Variants in PHACTR2 observed in about 807,000 individuals in gnomAD.
PHACTR2 encodes chromosome 6 open reading frame 56.
A neutral mutation model predicts 76.0 loss-of-function variants in PHACTR2; 30 were observed. That is an observed-to-expected ratio of 0.39 (90% CI 0.30 to 0.54). The LOEUF (loss-of-function observed/expected upper bound fraction) is 0.54. PHACTR2 is among the 20% of genes least tolerant of loss of function. PHACTR2 has a pLI of 0.61. For synonymous variants in PHACTR2, 292 were observed against 292.5 expected (o/e 1.00, Z 0.02); for missense variants, 696 against 781.1 (o/e 0.89, Z 1.30).
At chr6:143,817,652 A>C (rs1470010921) in intron 12 of PHACTR2, among the ~76,000 whole-genome samples, 2 of 152,260 alleles carry the variant, frequency 1.3e-5, no homozygotes, top group African/African-American at 4.8e-5. Context: ...ATACATACAC[A>C]ATGGAATACT....
At position 143,827,196 on chromosome 6, in the gene PHACTR2, A is replaced by ATG. The variant is rs1554232043; in HGVS notation, c.*3508_*3509insGT. The ATG allele has an allele frequency of 5.7e-4, 68 of 120,158 alleles. No individual in the cohort carries two copies. Among genetic ancestry groups the ATG allele is most frequent in the African/African-American group, 1.6e-3 (53 of 33,098 alleles). The allele number at this position is 120,158 out of a possible 1,614,324, so 7.4% of individuals were successfully genotyped here. Reference sequence around the variant, plus strand: ...TATATATATATATATATATATATATATATGTATATTATATATACAGTAGCT... The same window carrying ATG: ...TATATATATATATATATATATATATATGTATGTATATTATATATACAGTAGCT... On this transcript the variant is annotated 3_prime_UTR_variant, in exon 13 of 13. Transcript: ENST00000440869.
rs543445814 is a variant in PHACTR2, at chr6:143,827,212, T to C, written c.*3523T>C. 1 of 134,202 alleles carries C rather than the reference T, an allele frequency of 7.5e-6. No homozygotes were observed. Among genetic ancestry groups the C allele is most frequent in the South Asian group, 2.4e-4 (1 of 4,162 alleles). The allele number at this position is 134,202 out of a possible 1,614,324, so 8.3% of individuals were successfully genotyped here. A position where few individuals can be genotyped will look rare whatever the true frequency, so the allele number is the denominator to read the frequency against. ...TATATATATATATGTATATTATATA[T>C]ACAGTAGCTTACACTTAAAAGAGGA... On this transcript the variant is annotated 3_prime_UTR_variant, in exon 13 of 13. Coordinates refer to ENST00000440869, the MANE Select transcript of PHACTR2 (RefSeq NM_001100164.2).
intron 1 of PHACTR2, among the ~76,000 whole-genome samples, chr6:143,579,626 A>G (rs983868803): frequency 9.9e-5 from 15 of 152,246 alleles, no homozygotes; most frequent in African/African-American, 3.6e-4. Context: ...GGGGTCACTC[A>G]GTGAGACCTG....
In PHACTR2 at chr6:143,782,031, T is replaced by A. The variant is rs933824139; in HGVS notation, c.1646-1188T>A. On this transcript the variant is annotated intron_variant, in intron 9 of 12. Coordinates refer to ENST00000440869, the MANE Select transcript of PHACTR2 (RefSeq NM_001100164.2). The surrounding 1 kb of genome is among the most constrained non-coding windows in gnomAD (Gnocchi z 4.6). ...TAACAAATACAGCTGTTGCAAATAT[T>A]GAATACTGATATGTTATTCACAGTA... Among the ~76,000 whole-genome samples the A allele has an allele frequency of 2.0e-5, 3 of 152,226 alleles. No individual in the cohort carries two copies. The highest frequency in any genetic ancestry group is 7.2e-5 in the African/African-American group (3 of 41,450).
chr6:143,713,636 T>A (rs968251102), intron 2 of PHACTR2, among the ~76,000 whole-genome samples: 3 of 152,138 alleles, frequency 2.0e-5, no homozygotes, highest in African/African-American at 7.2e-5. Context: ...CAGCCTCAGT[T>A]TTCTCGCCTG....
Position 143,812,202 on chromosome 6 carries a change from A to G in PHACTR2, c.1922+5069A>G, listed in dbSNP as rs554251398. ...TGTATATAGCTTCCTTTGCTTCTCT[A>G]TCTCCGGAGAGAGACACAAGCTGGT... is the stretch of plus-strand genomic sequence containing the variant. On this transcript the variant is annotated intron_variant, in intron 12 of 12. Coordinates refer to ENST00000440869, the MANE Select transcript of PHACTR2 (RefSeq NM_001100164.2). Among the ~76,000 whole-genome samples the G allele has an allele frequency of 7.9e-5, 12 of 152,170 alleles. No individual in the cohort carries two copies. In the East Asian group the frequency reaches 2.1e-3, roughly 27 times the overall value.
chr6:143,611,130 C>T lies in PHACTR2; in HGVS notation c.13+2808C>T, dbSNP rs529470000. On this transcript the variant is annotated intron_variant, in intron 1 of 11. Coordinates refer to the PHACTR2 transcript ENST00000305766. This position sits in a 1 kb window ranked among gnomAD's most constrained non-coding sequence, Gnocchi z 4.4. ...GAAACACAATTTTTGAAATGTAATC[C>T]CATATTCTACAGTGCAGAGTACTGT... 4.6e-4 allele frequency among the ~76,000 whole-genome samples: 69 copies of T among 151,644 alleles called. No individual in the cohort carries two copies. The highest frequency in any genetic ancestry group is 1.6e-3 in the African/African-American group (67 of 41,232).
chr6:143,624,884 G>A lies in PHACTR2; in HGVS notation c.13+16562G>A, dbSNP rs1257135600. 2.4e-4 allele frequency among the ~76,000 whole-genome samples: 36 copies of A among 152,092 alleles called. No individual in the cohort carries two copies. Among genetic ancestry groups the A allele is most frequent in the Non-Finnish European group, 1.5e-5 (1 of 68,026 alleles). On this transcript the variant is annotated intron_variant, in intron 1 of 11. Transcript: ENST00000305766. The surrounding 1 kb of genome is among the most constrained non-coding windows in gnomAD (Gnocchi z 4.6). The stretch of plus-strand genomic sequence containing the variant: ...AAGTATAGTCAAGGAGGCCGGGAAC[G>A]GTGCCTCACACCTGTAATCCCAGTA...
intron 1 of PHACTR2, among the ~76,000 whole-genome samples, chr6:143,682,708 T>A (rs190681037): frequency 2.8e-4 from 43 of 152,332 alleles, no homozygotes; most frequent in Middle Eastern, 3.4e-3. Context: ...TAGTCCAATG[T>A]TAAGTAGAAG....
In PHACTR2 at chr6:143,539,751, G is replaced by T. The variant is rs1044869747; in HGVS notation, c.217+2544G>T. Among the ~76,000 whole-genome samples, 6 of 152,064 alleles carry T rather than the reference G, an allele frequency of 3.9e-5. No individual in the cohort carries two copies. The highest frequency in any genetic ancestry group is 1.3e-4 in the Admixed American group (2 of 15,276). On this transcript the variant is annotated intron_variant, in intron 1 of 11. Transcript: ENST00000367584. This position sits in a 1 kb window ranked among gnomAD's most constrained non-coding sequence, Gnocchi z 4.3. ...CTCAGAATCTCAGGCCCCACCCTAG[G>T]CCTGCTTAACTGAATCTGCATTTTA...
rs1775616158 is a variant in PHACTR2 at position 143,585,259 on chromosome 6, G to A, written c.217+48052G>A. 6.6e-6 allele frequency among the ~76,000 whole-genome samples: 1 copy of A among 152,114 alleles called. No individual in the cohort carries two copies. Among genetic ancestry groups the A allele is most frequent in the Admixed American group, 6.6e-5 (1 of 15,264 alleles). ...GAGGAAGGGAATTTGAGGTAGAGAA[G>A]GTGTTGGAAACCCAGCTAAGAAGTC... On this transcript the variant is annotated intron_variant, in intron 1 of 11. Coordinates refer to the PHACTR2 transcript ENST00000367584. This position sits in a 1 kb window ranked among gnomAD's most constrained non-coding sequence, Gnocchi z 5.2.
chr6:143,815,860 C>T (rs1169749181), intron 12 of PHACTR2, among the ~76,000 whole-genome samples: 2 of 141,918 alleles, frequency 1.4e-5, no homozygotes, highest in African/African-American at 2.6e-5. Context: ...CCACTGCACA[C>T]TAGCCTAGGC....
rs566317590 is a variant in PHACTR2 at position 143,671,050 on chromosome 6, C to T, written c.14-40966C>T. Among the ~76,000 whole-genome samples the T allele has an allele frequency of 6.6e-6, 1 of 152,178 alleles. No individual in the cohort carries two copies. Among genetic ancestry groups the T allele is most frequent in the South Asian group, 2.1e-4 (1 of 4,816 alleles). ...GTTCAAGCAATTCTCCTGCCTCAGC[C>T]TCCCGAGTAGCTGGGATTACAGGAA... On this transcript the variant is annotated intron_variant, in intron 1 of 11. Coordinates refer to the PHACTR2 transcript ENST00000305766. This position sits in a 1 kb window ranked among gnomAD's most constrained non-coding sequence, Gnocchi z 4.6.
intron 1 of PHACTR2, among the ~76,000 whole-genome samples, chr6:143,682,475 A>G (rs1024148340): frequency 2.6e-5 from 4 of 152,076 alleles, no homozygotes; most frequent in Non-Finnish European, 5.9e-5. Context: ...TGGGCCTTCC[A>G]ATATTGCAGG....
chr6:143,761,541 G>A lies in PHACTR2; in HGVS notation c.694+901G>A, dbSNP rs931444038. Among the ~76,000 whole-genome samples the A allele has an allele frequency of 6.6e-6, 1 of 152,106 alleles. No individual in the cohort carries two copies. Among genetic ancestry groups the A allele is most frequent in the African/African-American group, 2.4e-5 (1 of 41,420 alleles). On this transcript the variant is annotated intron_variant, in intron 5 of 12. Coordinates refer to ENST00000440869, the MANE Select transcript of PHACTR2 (RefSeq NM_001100164.2). This position sits in a 1 kb window ranked among gnomAD's most constrained non-coding sequence, Gnocchi z 5.2. ...GGCTGATGCGGATCGATCACTTGAG[G>A]TCAGGAGTTCGAGACCAACCTGGTC...
At chr6:143,687,144 C>G (rs1582771640) in intron 1 of PHACTR2, among the ~76,000 whole-genome samples, 1 of 152,324 alleles carries the variant, frequency 6.6e-6, no homozygotes, top group East Asian at 1.9e-4. Context: ...ACCTACTTCT[C>G]TTTGGTCCAT....
chr6:143,684,365 C>A lies in PHACTR2; in HGVS notation c.46+6156C>A, dbSNP rs1344475920. ...GGAGTTATTCTTAGGTTTTCCTTTC[C>A]CCCTCCACATGGATCCATCAGCAGG... On this transcript the variant is annotated intron_variant, in intron 1 of 12. Coordinates refer to ENST00000440869, the MANE Select transcript of PHACTR2 (RefSeq NM_001100164.2). This position sits in a 1 kb window ranked among gnomAD's most constrained non-coding sequence, Gnocchi z 4.3. Among the ~76,000 whole-genome samples the A allele has an allele frequency of 6.6e-6, 1 of 152,114 alleles. No individual in the cohort carries two copies. Among genetic ancestry groups the A allele is most frequent in the African/African-American group, 2.4e-5 (1 of 41,398 alleles).
intron 2 of PHACTR2, among the ~76,000 whole-genome samples, chr6:143,726,888 A>T (rs1311738674): frequency 1.3e-5 from 2 of 152,216 alleles, no homozygotes; most frequent in Non-Finnish European, 2.9e-5. Flanking sequence ...CTGGGTCATG[A>T]TCAGGTCAGG....
Position 143,823,679 on chromosome 6 carries a change from A to C in PHACTR2, c.1928A>C (p.His643Pro), listed in dbSNP as rs1776474296. Residue 643 changes from histidine to proline, a missense_variant, in exon 13 of 13, where the codon CAT (histidine) becomes CCT (proline). Coordinates refer to ENST00000440869, the MANE Select transcript of PHACTR2 (RefSeq NM_001100164.2). This position sits in a 1 kb window ranked among gnomAD's most constrained non-coding sequence, Gnocchi z 5.7. ...GTTTCTATTTCTTACTCCAGGTTTC[A>C]TCGTCCATAACGAAGAGTGAGACTA... ...HEESRQFTRF[H>P]RP 6.2e-7 allele frequency: 1 copy of C among 1,611,826 alleles called. No individual in the cohort carries two copies. Among genetic ancestry groups the C allele is most frequent in the Non-Finnish European group, 8.5e-7 (1 of 1,178,078 alleles).
Sources: gnomAD v4.1 joint callset for allele counts (sites outside exome capture counted in the v4.1 genomes callset) on GRCh38, gnomAD v4.1.1 for gene constraint, Gnocchi (gnomAD v3.1) non-coding constraint, MANE v1.5 for transcripts, NCBI Gene and HGNC (gene_info 2026-07-23, HGNC 2026-07-21) for gene names.